FALEC: variants seen among roughly 807,000 people sequenced by gnomAD.
FALEC encodes the protein focally amplified lncRNA regulator of ECM1.
the FALEC span, among the ~76,000 whole-genome samples, chr1:150,534,515 C>G: frequency 1.5e-3 from 228 of 152,278 alleles, 1 homozygote; most frequent in Non-Finnish European, 2.3e-3. Flanking sequence ...CTGTGCCCCC[C>G]CAGCCCCCAC....
At chr1:150,528,491 A>AC in the FALEC span, among the ~76,000 whole-genome samples, 1 of 150,552 alleles carries the variant, frequency 6.6e-6, no homozygotes, top group African/African-American at 2.4e-5. Context: ...CCTCAGGGAG[A>AC]CCTTCCTGAA....
chr1:150,528,485 A>G, the FALEC span, among the ~76,000 whole-genome samples: 2 of 151,062 alleles, frequency 1.3e-5, no homozygotes, highest in Non-Finnish European at 3.0e-5. Context: ...GTCATTCCTC[A>G]GGGAGACCTT....
At chr1:150,516,535 G>A (rs1185987498) in intron 1 of FALEC, among the ~76,000 whole-genome samples, 1 of 152,240 alleles carries the variant, frequency 6.6e-6, no homozygotes, top group Non-Finnish European at 1.5e-5. Context: ...TTATCTGGAA[G>A]CAGTGAGTTT....
the FALEC span, among the ~76,000 whole-genome samples, chr1:150,527,379 C>G: frequency 6.6e-6 from 1 of 151,946 alleles, no homozygotes; most frequent in Admixed American, 6.6e-5. Context: ...CTGCCTCAGC[C>G]TCCCGAGTAG....
chr1:150,526,792 C>G, the FALEC span, among the ~76,000 whole-genome samples: 3 of 151,890 alleles, frequency 2.0e-5, no homozygotes, highest in Non-Finnish European at 4.4e-5. Context: ...CACCACCACG[C>G]CCGGCTAATT....
At chr1:150,520,544 C>T (rs1322816339), downstream of FALEC, among the ~76,000 whole-genome samples, 4 of 152,114 alleles carry the variant, frequency 2.6e-5, no homozygotes, top group East Asian at 1.9e-4. Flanking sequence ...TGTATACATA[C>T]AATGTGTGTA....
At chr1:150,522,851 C>CTA (rs1235546445), downstream of FALEC, among the ~76,000 whole-genome samples, 823 of 87,674 alleles carry the variant, frequency 9.4e-3, 37 homozygotes, top group African/African-American at 0.027. Flanking sequence ...CTCTCTCTCT[C>CTA]TATATATATA....
chr1:150,535,482 G>A, the FALEC span, among the ~76,000 whole-genome samples: 31 of 152,334 alleles, frequency 2.0e-4, no homozygotes, highest in Admixed American at 3.9e-4. Context: ...GAGCTCATGC[G>A]ATTTGCCAGC....
chr1:150,521,441 T>G (rs1670642180), downstream of FALEC, among the ~76,000 whole-genome samples: 1 of 152,240 alleles, frequency 6.6e-6, no homozygotes, highest in Non-Finnish European at 1.5e-5. Flanking sequence ...CAGTATGGGT[T>G]TAACTTGCAT....
downstream of FALEC, among the ~76,000 whole-genome samples, chr1:150,522,970 TATATATA>T (rs1560270844): frequency 2.4e-3 from 122 of 50,140 alleles, 12 homozygotes; most frequent in African/African-American, 0.01. Context: ...TATATATATA[TATATATA>T]TATATATTTT....
chr1:150,531,375 T>C, the FALEC span, among the ~76,000 whole-genome samples: 1 of 152,034 alleles, frequency 6.6e-6, no homozygotes, highest in Non-Finnish European at 1.5e-5. Flanking sequence ...CTCTGGAGGC[T>C]GAGGCAGGAG....
At chr1:150,525,955 G>A in the FALEC span, among the ~76,000 whole-genome samples, 2 of 152,124 alleles carry the variant, frequency 1.3e-5, no homozygotes, top group African/African-American at 4.8e-5. Flanking sequence ...TACGTTTTAT[G>A]TAAATAGATT....
At chr1:150,534,668 C>T in the FALEC span, among the ~76,000 whole-genome samples, 40 of 151,992 alleles carry the variant, frequency 2.6e-4, no homozygotes, top group East Asian at 3.7e-3. Context: ...ATGGTGAAAC[C>T]CCGTCTGTAC....
At chr1:150,532,587 C>A in the FALEC span, among the ~76,000 whole-genome samples, 2 of 152,110 alleles carry the variant, frequency 1.3e-5, no homozygotes, top group African/African-American at 4.8e-5. Flanking sequence ...CAGCACCCGC[C>A]TTGGTGGGAC....
At chr1:150,533,430 CTT>C in the FALEC span, among the ~76,000 whole-genome samples, 75 of 97,668 alleles carry the variant, frequency 7.7e-4, no homozygotes, top group African/African-American at 2.8e-3. Flanking sequence ...AGAACCAGAG[CTT>C]TTTTTTTTTT....
At chr1:150,516,352 G>A (rs1670569800) in intron 1 of FALEC, among the ~76,000 whole-genome samples, 1 of 152,256 alleles carries the variant, frequency 6.6e-6, no homozygotes, top group Admixed American at 6.5e-5. Context: ...AGAGAGGTGG[G>A]AGTCAGAGGA....
At chr1:150,520,930 T>C (rs1404666917), downstream of FALEC, among the ~76,000 whole-genome samples, 4 of 151,656 alleles carry the variant, frequency 2.6e-5, no homozygotes. Context: ...GCCTCCCATG[T>C]AGTTGGGATT....
At chr1:150,519,213 C>T (rs1339054042), downstream of FALEC, among the ~76,000 whole-genome samples, 2 of 152,144 alleles carry the variant, frequency 1.3e-5, no homozygotes, top group Non-Finnish European at 2.9e-5. Context: ...GCCCTCCTCC[C>T]GTGCCCATGA....
At chr1:150,517,402 G>A (rs1390490239) in intron 1 of FALEC, among the ~76,000 whole-genome samples, 1 of 152,054 alleles carries the variant, frequency 6.6e-6, no homozygotes, top group Non-Finnish European at 1.5e-5. Flanking sequence ...GGTGTCTAGG[G>A]TGACTACCAA....
Sources: allele counts gnomAD v4.1 joint callset (sites outside exome capture counted in the v4.1 genomes callset), GRCh38; gene constraint gnomAD v4.1.1; transcripts MANE v1.5; gene names NCBI Gene and HGNC (gene_info 2026-07-23, HGNC 2026-07-21).